The following KDM2A variants were observed in gnomAD, a reference collection of about 807,000 sequenced individuals.
The protein encoded by KDM2A is lysine-specific demethylase 2A.
In KDM2A, 3 loss-of-function variants were observed where a neutral mutation model predicts 137.3. That is an observed-to-expected ratio of 0.02 (90% CI 0.01 to 0.06). The LOEUF (loss-of-function observed/expected upper bound fraction) is 0.06, where lower values mean the gene tolerates loss of function less well. KDM2A is among the 10% of genes least tolerant of loss of function. The pLI is 1.00. For missense variants in KDM2A, 738 were observed against 1,510.6 expected (o/e 0.49, Z 8.48); for synonymous variants, 512 against 541.5 (o/e 0.95, Z 0.76).
chr11:67,217,020 G>A (rs1858184426), intron 8 of KDM2A, among the ~76,000 whole-genome samples: 1 of 151,986 alleles, frequency 6.6e-6, no homozygotes, highest in Non-Finnish European at 1.5e-5. Flanking sequence ...AAGGTGGGTG[G>A]ATCATAAGGT....
intron 2 of KDM2A, among the ~76,000 whole-genome samples, chr11:67,153,314 C>T (rs1000295458): frequency 2.6e-5 from 4 of 151,900 alleles, no homozygotes; most frequent in East Asian, 1.9e-4. Context: ...TTTACAAGGA[C>T]GTGTAATTGG....
Position 67,255,349 on chromosome 11 carries a change from C to G in KDM2A, c.*294C>G. The G allele has an allele frequency of 2.1e-6, 1 of 469,312 alleles. No homozygotes were observed. Among genetic ancestry groups the G allele is most frequent in the South Asian group, 1.9e-5 (1 of 52,882 alleles). 29.1% of individuals were successfully genotyped at this position (469,312 alleles called of 1,614,324 possible). On this transcript the variant is annotated 3_prime_UTR_variant, in exon 21 of 21. Coordinates refer to ENST00000529006, the MANE Select transcript of KDM2A (RefSeq NM_012308.3). ...TACTCGCCTGCCAGGAGGCCGGGCT[C>G]TCAGTTTGGGGTGTTTGTGCAACCT...
intron 2 of KDM2A, among the ~76,000 whole-genome samples, chr11:67,141,622 G>A (rs1259563222): frequency 1.5e-5 from 2 of 136,622 alleles, no homozygotes; most frequent in Admixed American, 8.1e-5. Flanking sequence ...AGCTGAGATC[G>A]TGCCACTGTA....
At chr11:67,170,059 A>G (rs961328192) in intron 2 of KDM2A, among the ~76,000 whole-genome samples, 6 of 152,054 alleles carry the variant, frequency 3.9e-5, no homozygotes. Flanking sequence ...CCTGGCCCAC[A>G]GTTTCATCTT....
Position 67,257,332 on chromosome 11 carries a change from C to T in KDM2A, c.*2277C>T, listed in dbSNP as rs973932361. ...GAGCCCAGAAAAGGCAGCAGATGGA[C>T]CATGCCCTTGCTGGGTTTTCCTTTT... On this transcript the variant is annotated 3_prime_UTR_variant, in exon 21 of 21. Transcript: ENST00000529006. 2.0e-5 allele frequency: 3 copies of T among 152,568 alleles called. No individual in the cohort carries two copies. Among genetic ancestry groups the T allele is most frequent in the Admixed American group, 1.3e-4 (2 of 15,282 alleles). The allele number at this position is 152,568 out of a possible 1,614,324, so 9.5% of individuals were successfully genotyped here.
intron 11 of KDM2A, among the ~76,000 whole-genome samples, chr11:67,229,675 C>G (rs1858649822): frequency 1.3e-5 from 2 of 151,164 alleles, no homozygotes; most frequent in Non-Finnish European, 2.9e-5. Context: ...TCGAGACCAG[C>G]CAGGCCAATA....
chr11:67,180,281 T>TG, intron 3 of KDM2A, 64 bp downstream of exon 3: 1 of 1,532,886 alleles, frequency 6.5e-7, no homozygotes, highest in Non-Finnish European at 8.8e-7. Context: ...CTCTGAGCAT[T>TG]GGGGGTTTAG....
intron 5 of KDM2A, among the ~76,000 whole-genome samples, chr11:67,198,331 T>A (rs1014041497): frequency 4.6e-5 from 7 of 151,474 alleles, no homozygotes; most frequent in Non-Finnish European, 8.8e-5. Context: ...TTTTTTTTTT[T>A]AACAAATTGA....
chr11:67,200,261 G>A (rs2136366830), intron 5 of KDM2A, among the ~76,000 whole-genome samples: 1 of 152,062 alleles, frequency 6.6e-6, no homozygotes, highest in East Asian at 1.9e-4. Flanking sequence ...TGTTGCCCAG[G>A]CTGGAGTGCA....
At chr11:67,130,914 A>T (rs1256286276) in intron 2 of KDM2A, among the ~76,000 whole-genome samples, 1 of 150,672 alleles carries the variant, frequency 6.6e-6, no homozygotes, top group Non-Finnish European at 1.5e-5. Context: ...AGGGGCCATG[A>T]CTTGCCCAAG....
chr11:67,255,122 C>T lies in KDM2A; in HGVS notation c.*67C>T. The T allele has an allele frequency of 6.9e-7, 1 of 1,443,046 alleles. No homozygotes were observed. The highest frequency in any genetic ancestry group is 9.5e-7 in the Non-Finnish European group (1 of 1,057,970). 89.4% of individuals were successfully genotyped at this position (1,443,046 alleles called of 1,614,324 possible). The stretch of plus-strand genomic sequence containing the variant: ...TGACTCCCCACCGAGGAGAGCCTCT[C>T]CTCGACCCTGCACGGGCTCTGAGGC... On this transcript the variant is annotated 3_prime_UTR_variant, in exon 21 of 21. Coordinates refer to ENST00000529006, the MANE Select transcript of KDM2A (RefSeq NM_012308.3).
intron 12 of KDM2A, chr11:67,240,402 T>G (rs1466650748): frequency 6.6e-7 from 1 of 1,518,668 alleles, no homozygotes; most frequent in Admixed American, 2.0e-5. Flanking sequence ...CCTTTCTGGT[T>G]TGGGGTGCGT....
intron 2 of KDM2A, among the ~76,000 whole-genome samples, chr11:67,148,788 C>CA (rs1856315924): frequency 6.6e-6 from 1 of 151,912 alleles, no homozygotes; most frequent in South Asian, 2.1e-4. Context: ...GCTATAAGAG[C>CA]AAAATTCCGT....
chr11:67,240,700 C>G (rs1047215003), intron 12 of KDM2A, among the ~76,000 whole-genome samples: 1 of 152,196 alleles, frequency 6.6e-6, no homozygotes, highest in East Asian at 1.9e-4. Context: ...CTTTCCCGCA[C>G]TCCACCCCCG....
chr11:67,208,054 GT>G (rs1232922033), intron 6 of KDM2A, among the ~76,000 whole-genome samples: 2 of 151,840 alleles, frequency 1.3e-5, no homozygotes, highest in African/African-American at 2.4e-5. Flanking sequence ...AAAATGCGTT[GT>G]TTTTATACTG....
chr11:67,227,817 C>A (rs1858595126), intron 10 of KDM2A, among the ~76,000 whole-genome samples: 1 of 152,096 alleles, frequency 6.6e-6, no homozygotes. Flanking sequence ...GTGATCCACC[C>A]GTCTGGGCCT....
intron 5 of KDM2A, among the ~76,000 whole-genome samples, chr11:67,184,794 A>C (rs1280367223): frequency 6.6e-6 from 1 of 152,238 alleles, no homozygotes. Flanking sequence ...ACTTAAGTGT[A>C]TACCTCAGAT....
At chr11:67,141,653 T>TGA in intron 2 of KDM2A, among the ~76,000 whole-genome samples, 1 of 107,418 alleles carries the variant, frequency 9.3e-6, no homozygotes, top group Non-Finnish European at 1.7e-5. Context: ...GGCGACAGAA[T>TGA]GAGACTCGTT....
rs146870134 is a variant in KDM2A, at chr11:67,250,807, G to A, written c.2768+9G>A. The A allele has an allele frequency of 2.6e-5, 40 of 1,514,414 alleles. No homozygotes were observed. The East Asian group carries it at 6.8e-4, about 26-fold the overall frequency. 93.8% of individuals were successfully genotyped at this position (1,514,414 alleles called of 1,614,324 possible). A position where few individuals can be genotyped will look rare whatever the true frequency, so the allele number is the denominator to read the frequency against. On this transcript the variant is annotated intron_variant, in intron 17 of 20. Coordinates refer to ENST00000529006, the MANE Select transcript of KDM2A (RefSeq NM_012308.3). This position sits in a 1 kb window ranked among gnomAD's most constrained non-coding sequence, Gnocchi z 7.1. ...AAGACGTGGTATAAATGGTGAGCAG[G>A]GATTCAGGGGGTCAGGAATTAGGGG...
Sources: allele counts gnomAD v4.1 joint callset (sites outside exome capture counted in the v4.1 genomes callset), GRCh38; gene constraint gnomAD v4.1.1; non-coding constraint Gnocchi (gnomAD v3.1); transcripts MANE v1.5; gene names NCBI Gene and HGNC (gene_info 2026-07-23, HGNC 2026-07-21).